The following GPD2 variants were observed in gnomAD, a reference collection of about 807,000 sequenced individuals.
GPD2 encodes the protein glycerol-3-phosphate dehydrogenase, mitochondrial.
In GPD2, 54 loss-of-function variants were observed where a neutral mutation model predicts 82.4. The observed-to-expected ratio is 0.66, with a 90% CI of 0.53 to 0.82. The LOEUF (loss-of-function observed/expected upper bound fraction) is 0.82, where lower values mean the gene tolerates loss of function less well. Ranked by LOEUF, GPD2 falls within the 40% of genes least tolerant of loss-of-function variation. The pLI, the probability that GPD2 is intolerant of heterozygous loss-of-function variation, is 0.00. For synonymous variants in GPD2, 288 were observed against 306.1 expected (o/e 0.94, Z 0.62); for missense variants, 748 against 896.2 (o/e 0.83, Z 2.11).
At chr2:156,426,289 G>A in the GPD2 span, among the ~76,000 whole-genome samples, 1 of 152,202 alleles carries the variant, frequency 6.6e-6, no homozygotes, top group Non-Finnish European at 1.5e-5. Context: ...CAGGGAGGCG[G>A]CAGAAAACTT....
intron 9 of GPD2, among the ~76,000 whole-genome samples, chr2:156,566,482 T>C (rs1687395682): frequency 6.6e-6 from 1 of 152,176 alleles, no homozygotes. Context: ...ATATTTGTCC[T>C]CTTGTGACTG....
rs138284140 is a variant in GPD2, at chr2:156,536,775, C to G, written c.662-12833C>G. Among the ~76,000 whole-genome samples the G allele has an allele frequency of 4.0e-3, 609 of 152,320 alleles. 6 individuals are homozygous for G. The highest frequency in any genetic ancestry group is 0.014 in the African/African-American group (586 of 41,566). On this transcript the variant is annotated intron_variant, in intron 6 of 16. Coordinates refer to ENST00000438166, the MANE Select transcript of GPD2 (RefSeq NM_000408.5). ...CACCTGTCTCTGCTGACTAGGCAATCTTAATAGCCATCCCACTCCTCATCA... is the reference window on the plus strand; with the variant it reads ...CACCTGTCTCTGCTGACTAGGCAATGTTAATAGCCATCCCACTCCTCATCA...
chr2:156,489,134 A>T (rs1573921584), intron 2 of GPD2, among the ~76,000 whole-genome samples: 1 of 152,284 alleles, frequency 6.6e-6, no homozygotes, highest in East Asian at 1.9e-4. Context: ...CAGGGGATAG[A>T]GTGATGAGGT....
At chr2:156,487,358 C>T (rs1683984733) in intron 2 of GPD2, among the ~76,000 whole-genome samples, 1 of 152,076 alleles carries the variant, frequency 6.6e-6, no homozygotes, top group African/African-American at 2.4e-5. Context: ...TGTGTGACAA[C>T]TTAACTGCCC....
chr2:156,498,279 A>C (rs76079257), intron 3 of GPD2, among the ~76,000 whole-genome samples: 505 of 152,332 alleles, frequency 3.3e-3, no homozygotes, highest in African/African-American at 0.012. Context: ...CCACAGTTCT[A>C]TAGTGCTTGT....
intron 3 of GPD2, among the ~76,000 whole-genome samples, chr2:156,504,654 G>A (rs1684718973): frequency 6.6e-6 from 1 of 151,696 alleles, no homozygotes; most frequent in Non-Finnish European, 1.5e-5. Flanking sequence ...AGCACTATCT[G>A]TAATAGTGAA....
At chr2:156,523,687 TAG>T (rs1208520335) in intron 6 of GPD2, among the ~76,000 whole-genome samples, 178 of 149,342 alleles carry the variant, frequency 1.2e-3, no homozygotes, top group Middle Eastern at 3.4e-3. Context: ...GATAGATAGA[TAG>T]ATAGATAGAT....
chr2:156,558,230 A>G (rs1351903968), intron 9 of GPD2, among the ~76,000 whole-genome samples: 1 of 152,050 alleles, frequency 6.6e-6, no homozygotes, highest in Non-Finnish European at 1.5e-5. Context: ...TTCCTCTCTC[A>G]GTTGAGTCTC....
chr2:156,484,592 C>T (rs1231328711), intron 2 of GPD2, among the ~76,000 whole-genome samples: 1 of 152,038 alleles, frequency 6.6e-6, no homozygotes, highest in East Asian at 1.9e-4. Context: ...GTAATCCCAG[C>T]ACTTTGGGAG....
At chr2:156,526,054 C>T (rs1276735941) in intron 6 of GPD2, among the ~76,000 whole-genome samples, 1 of 151,988 alleles carries the variant, frequency 6.6e-6, no homozygotes, top group African/African-American at 2.4e-5. Flanking sequence ...GCTTTTTTCA[C>T]CTAATAGAGT....
chr2:156,435,883 CGAGGGCACAGGAAAT>C (rs1452411507), upstream of GPD2: 4 of 152,410 alleles, frequency 2.6e-5, no homozygotes, highest in East Asian at 7.7e-4. Context: ...CCCGCATGGG[CGAGGGCACAGGAAAT>C]CGGACACCGC....
chr2:156,547,317 A>G (rs1296847010), intron 6 of GPD2, among the ~76,000 whole-genome samples: 1 of 152,244 alleles, frequency 6.6e-6, no homozygotes, highest in Non-Finnish European at 1.5e-5. Flanking sequence ...GCATCCCTCC[A>G]GGAGATGCAG....
chr2:156,403,887 C>A, the GPD2 span, among the ~76,000 whole-genome samples: 1 of 152,156 alleles, frequency 6.6e-6, no homozygotes, highest in Non-Finnish European at 1.5e-5. Context: ...AACTCTCTTG[C>A]AGAAGTTTTA....
intron 8 of GPD2, among the ~76,000 whole-genome samples, chr2:156,554,211 C>G (rs746379256): frequency 6.6e-6 from 1 of 152,124 alleles, no homozygotes; most frequent in Non-Finnish European, 1.5e-5. Context: ...AGATCCCAAA[C>G]TGAAATGACT....
chr2:156,529,940 A>G (rs1379176779), intron 6 of GPD2, among the ~76,000 whole-genome samples: 1 of 152,110 alleles, frequency 6.6e-6, no homozygotes, highest in Admixed American at 6.5e-5. Flanking sequence ...TTGGTTCCAT[A>G]TGAACTTTAA....
At chr2:156,419,938 CTAAGTA>C in the GPD2 span, among the ~76,000 whole-genome samples, 3 of 152,180 alleles carry the variant, frequency 2.0e-5, no homozygotes, top group Non-Finnish European at 4.4e-5. Flanking sequence ...ACTTAGCTCT[CTAAGTA>C]TATTTGGAAT....
intron 13 of GPD2, among the ~76,000 whole-genome samples, chr2:156,573,182 G>C: frequency 6.6e-6 from 1 of 152,310 alleles, no homozygotes; most frequent in African/African-American, 2.4e-5. Context: ...TCCTGATCAT[G>C]CCTCTGACAG....
intron 9 of GPD2, among the ~76,000 whole-genome samples, chr2:156,562,471 A>G (rs901758424): frequency 6.6e-6 from 1 of 152,210 alleles, no homozygotes; most frequent in African/African-American, 2.4e-5. Flanking sequence ...CAGCAGGTTA[A>G]ACATGCTGGT....
At chr2:156,489,731 C>T (rs1289827803) in intron 2 of GPD2, among the ~76,000 whole-genome samples, 1 of 122,790 alleles carries the variant, frequency 8.1e-6, no homozygotes, top group Non-Finnish European at 1.7e-5. Context: ...TTCCTCCCTC[C>T]CTCCCTCCCT....
Sources: allele counts gnomAD v4.1 joint callset (sites outside exome capture counted in the v4.1 genomes callset), GRCh38; gene constraint gnomAD v4.1.1; transcripts MANE v1.5; gene names NCBI Gene and HGNC (gene_info 2026-07-23, HGNC 2026-07-21).